The following SLC35D4 variants were observed in gnomAD, a reference collection of about 807,000 sequenced individuals.
The protein encoded by SLC35D4 is solute carrier family 35 member D4, also known as UDP-N-acetylglucosamine transporter SLC35D4.
At chr18:23,307,505 G>A in the SLC35D4 span, among the ~76,000 whole-genome samples, 412 of 152,310 alleles carry the variant, frequency 2.7e-3, no homozygotes, top group Non-Finnish European at 5.0e-3. Flanking sequence ...AAACCCACCC[G>A]ATCGCTTCAT....
chr18:23,277,027 G>A, the SLC35D4 span, among the ~76,000 whole-genome samples: 9 of 152,198 alleles, frequency 5.9e-5, no homozygotes, highest in Non-Finnish European at 1.2e-4. Context: ...TAAACTAATA[G>A]CCATTTCTTT....
the SLC35D4 span, among the ~76,000 whole-genome samples, chr18:23,433,491 G>A: frequency 6.6e-5 from 10 of 152,190 alleles, no homozygotes; most frequent in Admixed American, 5.9e-4. Flanking sequence ...ATTGCTATGA[G>A]GGGAAGAAGG....
the SLC35D4 span, among the ~76,000 whole-genome samples, chr18:23,404,001 C>T: frequency 6.6e-6 from 1 of 151,818 alleles, no homozygotes; most frequent in African/African-American, 2.4e-5. Flanking sequence ...GTCTGTAGTC[C>T]CAGCTGCTCG....
the SLC35D4 span, among the ~76,000 whole-genome samples, chr18:23,396,360 T>C: frequency 6.6e-6 from 1 of 152,220 alleles, no homozygotes; most frequent in Non-Finnish European, 1.5e-5. Context: ...GGCACCAGCA[T>C]ATTGATGCCT....
chr18:23,425,955 C>T, the SLC35D4 span, among the ~76,000 whole-genome samples: 41,833 of 147,898 alleles, frequency 0.28, 6,222 homozygotes, highest in East Asian at 0.41. Context: ...TAAGGAAATA[C>T]AGGTGAATAT....
the SLC35D4 span, among the ~76,000 whole-genome samples, chr18:23,381,068 A>G: frequency 6.6e-6 from 1 of 152,210 alleles, no homozygotes; most frequent in Non-Finnish European, 1.5e-5. Context: ...TAGCTGTATC[A>G]TCAGAAATGT....
chr18:23,285,212 C>T, the SLC35D4 span, among the ~76,000 whole-genome samples: 1 of 152,006 alleles, frequency 6.6e-6, no homozygotes, highest in Non-Finnish European at 1.5e-5. Flanking sequence ...CGACCCCTGT[C>T]CTGCTTTTCT....
the SLC35D4 span, among the ~76,000 whole-genome samples, chr18:23,392,516 G>A: frequency 6.6e-6 from 1 of 152,224 alleles, no homozygotes. Context: ...AAGCTGGGAG[G>A]TCCTCTTTGT....
At chr18:23,421,668 TCTC>T in the SLC35D4 span, among the ~76,000 whole-genome samples, 14 of 150,686 alleles carry the variant, frequency 9.3e-5, no homozygotes, top group Admixed American at 3.3e-4. Context: ...TTGACATTCT[TCTC>T]CTCTTTTTTT....
chr18:23,331,513 A>T, the SLC35D4 span: 1 of 152,244 alleles, frequency 6.6e-6, no homozygotes, highest in African/African-American at 2.4e-5. Flanking sequence ...CAGGTTCAGC[A>T]CGTTGGGCTC....
the SLC35D4 span, among the ~76,000 whole-genome samples, chr18:23,343,880 G>A: frequency 1.3e-5 from 2 of 151,614 alleles, no homozygotes; most frequent in African/African-American, 2.4e-5. Flanking sequence ...CCATGTTGCT[G>A]CAAAGGACAT....
chr18:23,287,833 G>A, the SLC35D4 span, among the ~76,000 whole-genome samples: 9 of 152,266 alleles, frequency 5.9e-5, no homozygotes, highest in African/African-American at 1.7e-4. Flanking sequence ...CACAAGGACC[G>A]GGGTCGCGTC....
At chr18:23,331,688 C>G in the SLC35D4 span, 1 of 153,264 alleles carries the variant, frequency 6.5e-6, no homozygotes, top group Admixed American at 6.5e-5. Flanking sequence ...ACAGAGACAC[C>G]GGCCCTTCCC....
chr18:23,373,801 TC>T, the SLC35D4 span: 2 of 1,606,326 alleles, frequency 1.2e-6, no homozygotes, highest in Non-Finnish European at 1.7e-6. Context: ...GCTTCACCTT[TC>T]AACATCAAAG....
chr18:23,273,136 G>T, the SLC35D4 span, among the ~76,000 whole-genome samples: 1 of 152,192 alleles, frequency 6.6e-6, no homozygotes, highest in East Asian at 1.9e-4. Flanking sequence ...TTTTGTTGTT[G>T]ATTTTAAATG....
At chr18:23,360,553 T>C in the SLC35D4 span, among the ~76,000 whole-genome samples, 1 of 152,192 alleles carries the variant, frequency 6.6e-6, no homozygotes, top group African/African-American at 2.4e-5. Flanking sequence ...TTATAACAGC[T>C]TGAGAATAGA....
chr18:23,252,349 A>T, the SLC35D4 span, among the ~76,000 whole-genome samples: 1 of 152,174 alleles, frequency 6.6e-6, no homozygotes, highest in Non-Finnish European at 1.5e-5. Flanking sequence ...ACGCCTAGAA[A>T]TGGTTAAGAT....
At chr18:23,429,146 T>TA in the SLC35D4 span, among the ~76,000 whole-genome samples, 1 of 152,358 alleles carries the variant, frequency 6.6e-6, no homozygotes, top group East Asian at 1.9e-4. Flanking sequence ...AGTGCTGTGA[T>TA]AAAATACACG....
At chr18:23,389,663 C>T in the SLC35D4 span, among the ~76,000 whole-genome samples, 2 of 152,084 alleles carry the variant, frequency 1.3e-5, no homozygotes, top group African/African-American at 2.4e-5. Context: ...CCCACTCTGC[C>T]GAGTAGGTGG....
Sources: allele counts gnomAD v4.1 joint callset (sites outside exome capture counted in the v4.1 genomes callset), GRCh38; gene constraint gnomAD v4.1.1; transcripts MANE v1.5; gene names NCBI Gene and HGNC (gene_info 2026-07-23, HGNC 2026-07-21).